Variants in SEMA3C observed in about 807,000 individuals in gnomAD.
SEMA3C encodes semaphorin 3C, also known as semaphorin-3C.
A neutral mutation model predicts 89.4 loss-of-function variants in SEMA3C; 47 were observed. The observed-to-expected ratio is 0.53, with a 90% CI of 0.42 to 0.67. The LOEUF is 0.67. SEMA3C is among the 30% of genes least tolerant of loss of function. SEMA3C has a pLI of 0.00. For synonymous variants in SEMA3C, 310 were observed against 320.2 expected (o/e 0.97, Z 0.34); for missense variants, 839 against 929.1 (o/e 0.90, Z 1.26).
chr7:80,789,654 G>A (rs1788889373), intron 11 of SEMA3C, 126 bp from the exon 12 acceptor site: 3 of 647,850 alleles, frequency 4.6e-6, no homozygotes, highest in Non-Finnish European at 8.0e-6. Context: ...TGCTACCTAT[G>A]GAAGTGAAAA....
chr7:80,831,026 C>T (rs1048212694), intron 2 of SEMA3C, among the ~76,000 whole-genome samples: 5 of 152,170 alleles, frequency 3.3e-5, no homozygotes, highest in African/African-American at 4.8e-5. Flanking sequence ...TGTTTTATAA[C>T]GCTTACTTTT....
chr7:80,754,958 T>TTTTTTTTTTTG (rs1788028863), intron 15 of SEMA3C, among the ~76,000 whole-genome samples: 2 of 98,306 alleles, frequency 2.0e-5, no homozygotes, highest in Non-Finnish European at 4.0e-5. Flanking sequence ...TTTTTTTTTG[T>TTTTTTTTTTTG]TTTTTTTTTT....
At chr7:80,847,850 A>C (rs1439367645) in intron 2 of SEMA3C, among the ~76,000 whole-genome samples, 1 of 152,210 alleles carries the variant, frequency 6.6e-6, no homozygotes, top group African/African-American at 2.4e-5. Flanking sequence ...ACTCTGAGGC[A>C]GATCATCTCA....
chr7:80,754,087 G>A (rs1395349880), intron 15 of SEMA3C, among the ~76,000 whole-genome samples: 6 of 152,056 alleles, frequency 3.9e-5, no homozygotes, highest in South Asian at 2.1e-4. Flanking sequence ...ACAGGCATGC[G>A]CCACCATGCC....
At chr7:80,818,659 AT>A in intron 4 of SEMA3C, among the ~76,000 whole-genome samples, 1 of 142,534 alleles carries the variant, frequency 7.0e-6, no homozygotes, top group Non-Finnish European at 1.6e-5. Context: ...AAAAATAAAA[AT>A]AAAAATAAAA....
chr7:80,842,295 G>C (rs958892354), intron 2 of SEMA3C, among the ~76,000 whole-genome samples: 6 of 152,084 alleles, frequency 3.9e-5, no homozygotes, highest in African/African-American at 1.2e-4. Flanking sequence ...GAAACCATTT[G>C]TTTCCAAATT....
chr7:80,837,244 T>A (rs1790154724), intron 2 of SEMA3C, among the ~76,000 whole-genome samples: 1 of 152,230 alleles, frequency 6.6e-6, no homozygotes, highest in Non-Finnish European at 1.5e-5. Flanking sequence ...CAAGAAGATG[T>A]TAACACATAG....
At chr7:80,921,296 G>A (rs918176068), upstream of SEMA3C, among the ~76,000 whole-genome samples, 1 of 152,122 alleles carries the variant, frequency 6.6e-6, no homozygotes, top group African/African-American at 2.4e-5. Context: ...GCTCTGAGAC[G>A]TTTACAGTTG....
intron 12 of SEMA3C, among the ~76,000 whole-genome samples, chr7:80,776,786 A>G (rs924485278): frequency 2.0e-5 from 3 of 152,184 alleles, no homozygotes; most frequent in African/African-American, 7.2e-5. Flanking sequence ...ATGCTGGAAA[A>G]TAATTGCATG....
At chr7:80,798,868 G>A (rs766434659) in intron 10 of SEMA3C, among the ~76,000 whole-genome samples, 16 of 152,092 alleles carry the variant, frequency 1.1e-4, no homozygotes, top group Admixed American at 7.2e-4. Flanking sequence ...ATTGTCCTAT[G>A]GCAGGTTGGC....
At chr7:80,837,721 T>C (rs1212750077) in intron 2 of SEMA3C, among the ~76,000 whole-genome samples, 2 of 152,228 alleles carry the variant, frequency 1.3e-5, no homozygotes, top group East Asian at 1.9e-4. Context: ...ATAGTTTTGA[T>C]GTAATTTAAA....
intron 1 of SEMA3C, 89 bp downstream of exon 1, chr7:80,918,739 G>C (rs1251382650): frequency 1.3e-6 from 1 of 780,926 alleles, no homozygotes; most frequent in East Asian, 1.3e-4. Flanking sequence ...CCAGGCTTGA[G>C]CATACCAATG....
chr7:80,766,238 T>C (rs1447104729), intron 12 of SEMA3C, among the ~76,000 whole-genome samples: 1 of 152,208 alleles, frequency 6.6e-6, no homozygotes, highest in Non-Finnish European at 1.5e-5. Flanking sequence ...CAGACATGAA[T>C]AGGTGAGCAG....
intron 12 of SEMA3C, among the ~76,000 whole-genome samples, chr7:80,785,758 G>A (rs1583875646): frequency 6.6e-6 from 1 of 152,202 alleles, no homozygotes; most frequent in Non-Finnish European, 1.5e-5. Context: ...ACAGGCATGC[G>A]CCACCATGCC....
chr7:80,886,029 C>G (rs922762477), intron 2 of SEMA3C, among the ~76,000 whole-genome samples: 3 of 152,180 alleles, frequency 2.0e-5, no homozygotes, highest in African/African-American at 7.2e-5. Flanking sequence ...CTTAGGACAG[C>G]TGTGTTTTTT....
At chr7:80,891,008 C>A (rs999970087) in intron 2 of SEMA3C, among the ~76,000 whole-genome samples, 2 of 152,100 alleles carry the variant, frequency 1.3e-5, no homozygotes, top group Non-Finnish European at 2.9e-5. Context: ...CAATTAAAAG[C>A]CTTCCAGGAA....
intron 10 of SEMA3C, 85 bp from the exon 11 acceptor site, chr7:80,798,321 A>G: frequency 1.7e-6 from 2 of 1,161,828 alleles, no homozygotes; most frequent in Non-Finnish European, 2.3e-6. Context: ...TTTATGATAA[A>G]AAGTTAATAT....
intron 2 of SEMA3C, among the ~76,000 whole-genome samples, chr7:80,858,662 C>T (rs963704660): frequency 6.6e-6 from 1 of 152,224 alleles, no homozygotes; most frequent in African/African-American, 2.4e-5. Context: ...AATGAAAAGG[C>T]TATTTTTAAA....
chr7:80,745,935 C>T (rs1211788278), intron 17 of SEMA3C, among the ~76,000 whole-genome samples: 1 of 151,952 alleles, frequency 6.6e-6, no homozygotes, highest in Non-Finnish European at 1.5e-5. Context: ...AGTGGTTTTA[C>T]TTTACAAGGA....
Sources: allele counts gnomAD v4.1 joint callset (sites outside exome capture counted in the v4.1 genomes callset), GRCh38; gene constraint gnomAD v4.1.1; transcripts MANE v1.5; gene names NCBI Gene and HGNC (gene_info 2026-07-23, HGNC 2026-07-21).